The following GLP2R variants were observed in gnomAD, a reference collection of about 807,000 sequenced individuals.
The protein encoded by GLP2R is glucagon like peptide 2 receptor.
Under a neutral mutation model 68.2 loss-of-function variants are expected in GLP2R, and 59 were observed. The ratio of observed to expected loss-of-function variants is 0.87; its 90% confidence interval spans 0.70 to 1.07. GLP2R has a LOEUF of 1.07. Ranked by LOEUF, GLP2R falls within the 50% of genes least tolerant of loss-of-function variation. The probability of loss-of-function intolerance (pLI) is 0.00; values close to 1 mark genes in which losing one functional copy is unlikely to be tolerated. For synonymous variants in GLP2R, 270 were observed against 265.4 expected (o/e 1.02, Z -0.17); for missense variants, 548 against 677.4 (o/e 0.81, Z 2.12).
At chr17:9,830,040 T>A (rs1041528146) in intron 1 of GLP2R, among the ~76,000 whole-genome samples, 7 of 152,262 alleles carry the variant, frequency 4.6e-5, no homozygotes, top group Admixed American at 2.6e-4. Context: ...TCTTCTTTCC[T>A]CATGACTTTG....
chr17:9,861,590 T>C (rs2066988012), intron 8 of GLP2R, among the ~76,000 whole-genome samples: 1 of 151,912 alleles, frequency 6.6e-6, no homozygotes, highest in Admixed American at 6.6e-5. Flanking sequence ...CAGAATATTA[T>C]GAAACTACTT....
intron 11 of GLP2R, among the ~76,000 whole-genome samples, chr17:9,886,263 TG>T (rs2067243523): frequency 6.6e-6 from 1 of 152,182 alleles, no homozygotes; most frequent in African/African-American, 2.4e-5. Context: ...CTGCTATCAG[TG>T]GAGCTTTGGA....
intron 4 of GLP2R, among the ~76,000 whole-genome samples, chr17:9,846,268 C>A (rs79466443): frequency 0.014 from 2,175 of 152,146 alleles, 43 homozygotes; most frequent in African/African-American, 0.05. Flanking sequence ...TAAAAAACTG[C>A]TATATGAGGG....
chr17:9,885,465 A>G (rs944597857), intron 11 of GLP2R, among the ~76,000 whole-genome samples: 1 of 152,060 alleles, frequency 6.6e-6, no homozygotes, highest in Non-Finnish European at 1.5e-5. Flanking sequence ...TGAAGGCCCA[A>G]TTGGAGTGGC....
intron 2 of GLP2R, among the ~76,000 whole-genome samples, chr17:9,836,039 CAAAAA>C (rs10706067): frequency 3.4e-5 from 3 of 87,192 alleles, no homozygotes; most frequent in South Asian, 4.1e-4. Flanking sequence ...ACTCCATCTC[CAAAAA>C]AAAAAAAAAA....
chr17:9,889,355 T>C lies in GLP2R; in HGVS notation c.1327-15T>C, dbSNP rs770404248. 1 of 1,583,090 alleles carries C rather than the reference T, an allele frequency of 6.3e-7. No homozygotes were observed. The highest frequency in any genetic ancestry group is 1.7e-5 in the Admixed American group (1 of 59,618). On this transcript the variant is annotated splice_polypyrimidine_tract_variant and intron_variant, in intron 12 of 12. Transcript: ENST00000262441. ...GACTCCAAGACAGTAACCTCTCACTTGTCTCACCCGGCAGGTGAAGGCTGA... is the reference window on the plus strand; with the variant it reads ...GACTCCAAGACAGTAACCTCTCACTCGTCTCACCCGGCAGGTGAAGGCTGA...
chr17:9,870,732 G>T lies in GLP2R; in HGVS notation c.1057-15G>T. ...ATTCGTCACTTACTTACCCAATTCTGCTCTTTTTTTCAAGGTCAATTTCTT... is the reference window on the plus strand; with the variant it reads ...ATTCGTCACTTACTTACCCAATTCTTCTCTTTTTTTCAAGGTCAATTTCTT... On this transcript the variant is annotated splice_polypyrimidine_tract_variant and intron_variant, in intron 9 of 12. Transcript: ENST00000262441. 8.0e-7 allele frequency: 1 copy of T among 1,252,954 alleles called. No homozygotes were observed. Among genetic ancestry groups the T allele is most frequent in the Non-Finnish European group, 1.2e-6 (1 of 849,502 alleles). The allele number at this position is 1,252,954 out of a possible 1,614,324, so 77.6% of individuals were successfully genotyped here. A position where few individuals can be genotyped will look rare whatever the true frequency, so the allele number is the denominator to read the frequency against.
Position 9,890,973 on chromosome 17 carries a change from T to G in GLP2R, c.*1268T>G, listed in dbSNP as rs2067285864. 6.6e-6 allele frequency: 1 copy of G among 152,206 alleles called. No individual in the cohort carries two copies. The highest frequency in any genetic ancestry group is 2.1e-4 in the South Asian group (1 of 4,828). The allele number at this position is 152,206 out of a possible 1,614,324, so 9.4% of individuals were successfully genotyped here. A position where few individuals can be genotyped will look rare whatever the true frequency, so the allele number is the denominator to read the frequency against. The stretch of plus-strand genomic sequence containing the variant: ...AGGAAGATCAAGGGATGGACATCCT[T>G]TGGAAACAGTGTGTTAATGCACAGG... On this transcript the variant is annotated 3_prime_UTR_variant, in exon 13 of 13. Transcript: ENST00000262441.
intron 3 of GLP2R, among the ~76,000 whole-genome samples, chr17:9,841,279 C>T (rs186652294): frequency 4.2e-4 from 64 of 151,634 alleles, no homozygotes; most frequent in Admixed American, 2.2e-3. Context: ...CCACCCACCT[C>T]GACCTCCCAA....
intron 4 of GLP2R, among the ~76,000 whole-genome samples, chr17:9,846,968 T>C (rs1330499653): frequency 2.0e-5 from 3 of 152,222 alleles, no homozygotes; most frequent in Non-Finnish European, 2.9e-5. Context: ...TTAGTAAATG[T>C]TAACAACAGG....
Position 9,836,424 on chromosome 17 carries a change from C to G in GLP2R, c.331C>G (p.Pro111Ala). The G allele has an allele frequency of 6.2e-7, 1 of 1,612,486 alleles. No homozygotes were observed. Among genetic ancestry groups the G allele is most frequent in the Non-Finnish European group, 8.5e-7 (1 of 1,178,472 alleles). The change falls in exon 3 of 13, where the codon CCT becomes GCT. Residue 111 changes from proline (P) to alanine (A), a missense_variant. Coordinates refer to ENST00000262441, the MANE Select transcript of GLP2R (RefSeq NM_004246.3). Reference protein sequence around the residue: ...DQYVCWPHSSPGNVSVPCPSY... With the variant: ...DQYVCWPHSSAGNVSVPCPSY... Reference sequence around the variant, plus strand: ...GTACGTGTGTTGGCCTCATTCTTCTCCTGGAAATGTCTCTGTACCCTGCCC... The same window carrying G: ...GTACGTGTGTTGGCCTCATTCTTCTGCTGGAAATGTCTCTGTACCCTGCCC...
chr17:9,869,615 G>A (rs1474788504), intron 9 of GLP2R, among the ~76,000 whole-genome samples: 2 of 152,240 alleles, frequency 1.3e-5, no homozygotes, highest in African/African-American at 4.8e-5. Flanking sequence ...GTAGCTGGTG[G>A]TGGGTGGTGC....
rs532510694 is a variant in GLP2R, at chr17:9,855,457, C to G, written c.611+856C>G. On this transcript the variant is annotated intron_variant, in intron 5 of 12. Coordinates refer to ENST00000262441, the MANE Select transcript of GLP2R (RefSeq NM_004246.3). Reference sequence around the variant, plus strand: ...GTAAATCCCTAATCACACCCATTACCACCACAGCCCATTCCCACTACAACT... The same window carrying G: ...GTAAATCCCTAATCACACCCATTACGACCACAGCCCATTCCCACTACAACT... 3.0e-4 allele frequency among the ~76,000 whole-genome samples: 45 copies of G among 152,308 alleles called. 1 individual carries two copies. Among genetic ancestry groups the G allele is most frequent in the Admixed American group, 2.9e-3 (45 of 15,304 alleles).
chr17:9,881,984 T>G (rs2152048713), intron 11 of GLP2R, among the ~76,000 whole-genome samples: 1 of 144,498 alleles, frequency 6.9e-6, no homozygotes, highest in African/African-American at 2.6e-5. Flanking sequence ...CAAAAGGCAA[T>G]GATAAAATTG....
chr17:9,889,594 C>T lies in GLP2R; in HGVS notation c.1551C>T (p.Pro517=), dbSNP rs756403474. ...MRGLGELGAQ[P]QQDHARWPRG... is the part of the protein sequence containing the mutation. ...GTCTTGGGGAGCTGGGCGCCCAGCCCCAACAGGACCATGCACGCTGGCCCC... is the reference window on the plus strand; with the variant it reads ...GTCTTGGGGAGCTGGGCGCCCAGCCTCAACAGGACCATGCACGCTGGCCCC... The change falls in exon 13 of 13, where the codon CCC becomes CCT. Residue 517 remains proline, a synonymous_variant. Coordinates refer to ENST00000262441, the MANE Select transcript of GLP2R (RefSeq NM_004246.3). The T allele has an allele frequency of 1.5e-5, 25 of 1,614,010 alleles. No individual in the cohort carries two copies. The highest frequency in any genetic ancestry group is 4.0e-5 in the African/African-American group (3 of 74,930).
At chr17:9,833,956 A>C (rs2066704582) in intron 2 of GLP2R, 62 bp downstream of exon 2, 4 of 1,023,530 alleles carry the variant, frequency 3.9e-6, no homozygotes, top group Admixed American at 1.8e-5. Context: ...TTAGCGGCTC[A>C]AAACAATAAC....
At chr17:9,846,580 C>G (rs1051218242) in intron 4 of GLP2R, among the ~76,000 whole-genome samples, 2 of 152,210 alleles carry the variant, frequency 1.3e-5, no homozygotes, top group Non-Finnish European at 2.9e-5. Context: ...GATTGTGCCA[C>G]TGCACTCCAG....
At chr17:9,832,861 T>C (rs1242526589) in intron 1 of GLP2R, among the ~76,000 whole-genome samples, 2 of 152,196 alleles carry the variant, frequency 1.3e-5, no homozygotes, top group African/African-American at 4.8e-5. Flanking sequence ...TTCAGTGGCA[T>C]GAAATAGTCA....
chr17:9,847,420 C>T (rs904155638), intron 4 of GLP2R, among the ~76,000 whole-genome samples: 3 of 152,082 alleles, frequency 2.0e-5, no homozygotes, highest in Non-Finnish European at 2.9e-5. Context: ...CAGGGGCACG[C>T]TGCCACACCC....
Sources: allele counts gnomAD v4.1 joint callset (sites outside exome capture counted in the v4.1 genomes callset), GRCh38; gene constraint gnomAD v4.1.1; transcripts MANE v1.5; gene names NCBI Gene and HGNC (gene_info 2026-07-23, HGNC 2026-07-21).